The following LOC400499 variants were observed in gnomAD, a reference collection of about 807,000 sequenced individuals.
chr16:11,456,764 A>T, the LOC400499 span: 1 of 1,409,304 alleles, frequency 7.1e-7, no homozygotes, highest in Non-Finnish European at 9.7e-7. Context: ...CAACAAAAGG[A>T]AAAGGTGTTC....
chr16:11,446,778 C>T, the LOC400499 span: 10 of 1,536,088 alleles, frequency 6.5e-6, no homozygotes, highest in Middle Eastern at 1.7e-4. Flanking sequence ...AGCCCAGGAC[C>T]ATGGTCTGCA....
the LOC400499 span, among the ~76,000 whole-genome samples, chr16:11,437,887 T>C: frequency 2.6e-5 from 4 of 152,022 alleles, no homozygotes; most frequent in African/African-American, 9.7e-5. Context: ...CTAATGATAA[T>C]AATGTTTGCA....
chr16:11,504,915 C>T, the LOC400499 span, among the ~76,000 whole-genome samples: 45 of 151,856 alleles, frequency 3.0e-4, no homozygotes, highest in African/African-American at 1.0e-3. Context: ...AGAGCAAGAC[C>T]CTGTCTCGAA....
At chr16:11,460,738 C>G in the LOC400499 span, 1 of 1,360,530 alleles carries the variant, frequency 7.4e-7, no homozygotes, top group Non-Finnish European at 9.7e-7. Context: ...CCACCTGTCA[C>G]TCCATTAGAA....
chr16:11,381,713 A>T, the LOC400499 span, among the ~76,000 whole-genome samples: 1 of 152,194 alleles, frequency 6.6e-6, no homozygotes, highest in African/African-American at 2.4e-5. Flanking sequence ...TGAGCTGGGT[A>T]CACACACTAA....
chr16:11,426,644 C>G, the LOC400499 span, among the ~76,000 whole-genome samples: 1 of 151,250 alleles, frequency 6.6e-6, no homozygotes, highest in Admixed American at 6.6e-5. Context: ...AAATATCAGG[C>G]CAGGCTGGGT....
the LOC400499 span, chr16:11,414,212 T>G: frequency 2.5e-6 from 1 of 398,054 alleles, no homozygotes; most frequent in South Asian, 1.4e-4. Flanking sequence ...CTTTGTAAAT[T>G]GTCAAGTACT....
the LOC400499 span, among the ~76,000 whole-genome samples, chr16:11,439,214 G>A: frequency 6.6e-6 from 1 of 152,154 alleles, no homozygotes; most frequent in African/African-American, 2.4e-5. Flanking sequence ...GAGTTTGGAG[G>A]AAAACTCTGC....
the LOC400499 span, among the ~76,000 whole-genome samples, chr16:11,489,740 A>G: frequency 2.6e-5 from 4 of 152,218 alleles, no homozygotes; most frequent in East Asian, 7.7e-4. Flanking sequence ...CACACATCAC[A>G]CCCCATGCCT....
At chr16:11,506,305 A>G in the LOC400499 span, among the ~76,000 whole-genome samples, 1 of 152,186 alleles carries the variant, frequency 6.6e-6, no homozygotes, top group Non-Finnish European at 1.5e-5. Context: ...GATTATAGGC[A>G]TGAGCCACTG....
At chr16:11,449,024 G>A in the LOC400499 span, 18 of 1,519,522 alleles carry the variant, frequency 1.2e-5, no homozygotes, top group African/African-American at 2.7e-5. Flanking sequence ...CATGGATCTC[G>A]CCCTGCACTG....
the LOC400499 span, among the ~76,000 whole-genome samples, chr16:11,494,178 G>C: frequency 7.4e-6 from 1 of 134,918 alleles, no homozygotes; most frequent in Admixed American, 7.2e-5. Flanking sequence ...GCATGGGATA[G>C]GCAGTGGTGT....
At chr16:11,393,158 C>CA in the LOC400499 span, among the ~76,000 whole-genome samples, 5 of 138,808 alleles carry the variant, frequency 3.6e-5, no homozygotes, top group Non-Finnish European at 6.3e-5. Flanking sequence ...CTGGCCACCC[C>CA]CCCCCCTTTT....
chr16:11,414,514 G>A, the LOC400499 span: 1 of 399,762 alleles, frequency 2.5e-6, no homozygotes, highest in Admixed American at 4.4e-5. Context: ...GGTCTCTAGA[G>A]ACAGAGAATG....
the LOC400499 span, chr16:11,399,138 A>T: frequency 1.2e-6 from 1 of 836,534 alleles, no homozygotes; most frequent in Non-Finnish European, 1.4e-6. Flanking sequence ...ATGCTGGAGG[A>T]GACCAGACCT....
the LOC400499 span, among the ~76,000 whole-genome samples, chr16:11,483,914 C>T: frequency 6.9e-6 from 1 of 145,312 alleles, no homozygotes; most frequent in East Asian, 2.1e-4. Context: ...ACATAATATT[C>T]TAGAATATGC....
chr16:11,462,088 G>C, the LOC400499 span: 4 of 1,453,584 alleles, frequency 2.8e-6, no homozygotes, highest in Non-Finnish European at 3.6e-6. Flanking sequence ...CCACAGAGCA[G>C]AGGGGACAGA....
the LOC400499 span, among the ~76,000 whole-genome samples, chr16:11,437,956 G>C: frequency 6.6e-6 from 1 of 152,196 alleles, no homozygotes. Flanking sequence ...TCCCCGATGA[G>C]TTCGGGGGAT....
chr16:11,511,801 A>G, the LOC400499 span, among the ~76,000 whole-genome samples: 2 of 150,992 alleles, frequency 1.3e-5, no homozygotes, highest in African/African-American at 4.9e-5. Context: ...CTGCAGTAGG[A>G]GGATCACTTG....
Sources: gnomAD v4.1 joint callset for allele counts (sites outside exome capture counted in the v4.1 genomes callset) on GRCh38, gnomAD v4.1.1 for gene constraint, MANE v1.5 for transcripts.